Variants in GREB1 observed in about 807,000 individuals in gnomAD.
The protein encoded by GREB1 is protein GREB1.
GREB1 carries 106 observed loss-of-function variants against 200.7 expected under a neutral mutation model. The observed-to-expected ratio is 0.53, with a 90% CI of 0.45 to 0.62. The LOEUF is 0.62. GREB1 is among the 20% of genes least tolerant of loss of function. The pLI, the probability that GREB1 is intolerant of heterozygous loss-of-function variation, is 0.00. For synonymous variants in GREB1, 1,132 were observed against 1,092.4 expected, an observed-to-expected ratio of 1.04 and a Z score of -0.72; for missense variants, 2,243 against 2,556.8, an observed-to-expected ratio of 0.88 and a Z score of 2.65.
intron 1 of GREB1, among the ~76,000 whole-genome samples, chr2:11,553,053 A>T (rs1226349516): frequency 6.6e-6 from 1 of 151,206 alleles, no homozygotes; most frequent in African/African-American, 2.4e-5. Flanking sequence ...TACTGTTGCA[A>T]TGCCTCCTCA....
chr2:11,632,759 C>T, intron 27 of GREB1, 130 bp from the exon 28 acceptor site: 2 of 684,164 alleles, frequency 2.9e-6, no homozygotes, highest in South Asian at 3.6e-5. Flanking sequence ...TGTTTTGTGA[C>T]AGGTGATTCA....
intron 3 of GREB1, 105 bp downstream of exon 3, chr2:11,562,687 T>C: frequency 7.6e-7 from 1 of 1,313,472 alleles, no homozygotes; most frequent in Non-Finnish European, 1.0e-6. Context: ...GGGGTCCTCT[T>C]TGCTCTTCCT....
chr2:11,604,906 G>A (rs1399352683), intron 17 of GREB1, among the ~76,000 whole-genome samples: 1 of 152,160 alleles, frequency 6.6e-6, no homozygotes, highest in Non-Finnish European at 1.5e-5. Context: ...CATACGGCTG[G>A]GAAAACTGCT....
At chr2:11,510,331 A>G (rs1043947702) in intron 1 of GREB1, among the ~76,000 whole-genome samples, 2 of 152,234 alleles carry the variant, frequency 1.3e-5, no homozygotes, top group South Asian at 2.1e-4. Context: ...AGTAGTTTCA[A>G]TAACTATCAG....
At chr2:11,511,264 G>A (rs1430335294) in intron 1 of GREB1, among the ~76,000 whole-genome samples, 2 of 152,074 alleles carry the variant, frequency 1.3e-5, no homozygotes, top group African/African-American at 2.4e-5. Context: ...ATAGTTTTTC[G>A]GGTGCTACAC....
At chr2:11,595,938 G>A (rs765258008) in intron 12 of GREB1, among the ~76,000 whole-genome samples, 173 bp from the exon 13 acceptor site, 2 of 152,068 alleles carry the variant, frequency 1.3e-5, no homozygotes, top group Non-Finnish European at 2.9e-5. Context: ...GCTCACTCTG[G>A]CAGTGTGTCT....
At chr2:11,547,002 A>G (rs886573185) in intron 1 of GREB1, among the ~76,000 whole-genome samples, 6 of 148,462 alleles carry the variant, frequency 4.0e-5, no homozygotes, top group Non-Finnish European at 8.9e-5. Flanking sequence ...CTGGATTGCA[A>G]TGGCGCAATC....
At chr2:11,501,609 G>A (rs1474825534) in intron 1 of GREB1, among the ~76,000 whole-genome samples, 4 of 152,028 alleles carry the variant, frequency 2.6e-5, no homozygotes, top group Non-Finnish European at 4.4e-5. Flanking sequence ...GGCCAGGCTG[G>A]TCTCGAACTC....
chr2:11,568,799 T>C lies in GREB1; in HGVS notation c.454+2143T>C, dbSNP rs565982074. Reference sequence around the variant, plus strand: ...GAGGAGAGGAAGTGTAGGAGCTTTGTTAATTGCTTGCCAGAGCCATCTGAA... The same window carrying C: ...GAGGAGAGGAAGTGTAGGAGCTTTGCTAATTGCTTGCCAGAGCCATCTGAA... On this transcript the variant is annotated intron_variant, in intron 4 of 32. Coordinates refer to ENST00000381486, the MANE Select transcript of GREB1 (RefSeq NM_014668.4). Among the ~76,000 whole-genome samples, 7 of 152,350 alleles carry C rather than the reference T, an allele frequency of 4.6e-5. No homozygotes were observed. The South Asian group carries it at 1.5e-3, about 32-fold the overall frequency.
chr2:11,591,320 G>T lies in GREB1; in HGVS notation c.1346-1456G>T, dbSNP rs576030624. 3.7e-4 allele frequency: 265 copies of T among 721,288 alleles called. 3 individuals are homozygous for T. In the South Asian group the frequency reaches 3.8e-3, roughly 10 times the overall value. The allele number at this position is 721,288 out of a possible 1,614,324, so 44.7% of individuals were successfully genotyped here. A position where few individuals can be genotyped will look rare whatever the true frequency, so the allele number is the denominator to read the frequency against. On this transcript the variant is annotated intron_variant, in intron 10 of 32. Coordinates refer to ENST00000381486, the MANE Select transcript of GREB1 (RefSeq NM_014668.4). ...CAGGAAACCATGGGAGATAGCTCAG[G>T]GCCGCACAGCTGGTGCTGGGTAGAG...
At chr2:11,549,579 C>G (rs1055810405) in intron 1 of GREB1, among the ~76,000 whole-genome samples, 18 of 152,170 alleles carry the variant, frequency 1.2e-4, no homozygotes, top group African/African-American at 4.3e-4. Context: ...ATAACAAAAT[C>G]ATTTCAATTT....
At chr2:11,503,547 G>A (rs539685216) in intron 1 of GREB1, among the ~76,000 whole-genome samples, 19 of 152,260 alleles carry the variant, frequency 1.2e-4, no homozygotes, top group African/African-American at 2.4e-4. Context: ...GCTAGGTTAC[G>A]TGGTATGTGC....
chr2:11,506,819 C>T (rs1418526276), intron 1 of GREB1, among the ~76,000 whole-genome samples: 1 of 152,074 alleles, frequency 6.6e-6, no homozygotes, highest in Non-Finnish European at 1.5e-5. Context: ...ACTTCCAGTC[C>T]CTGATACTGC....
chr2:11,484,088 C>G (rs1012424137), intron 1 of GREB1, among the ~76,000 whole-genome samples: 6 of 152,022 alleles, frequency 3.9e-5, no homozygotes, highest in African/African-American at 1.5e-4. Context: ...GTGGTCATGC[C>G]GCCTGGTTTG....
At chr2:11,635,554 A>C in intron 30 of GREB1, 149 bp downstream of exon 30, 1 of 794,262 alleles carries the variant, frequency 1.3e-6, no homozygotes, top group South Asian at 1.9e-5. Flanking sequence ...AAAGGTTTTT[A>C]ATCGGCATTG....
chr2:11,539,507 C>A (rs1471844519), intron 1 of GREB1, among the ~76,000 whole-genome samples: 1 of 152,224 alleles, frequency 6.6e-6, no homozygotes, highest in African/African-American at 2.4e-5. Context: ...GGAGGCAAGC[C>A]AGGCTGCCAG....
At chr2:11,632,228 T>A (rs967646385) in intron 27 of GREB1, 115 bp downstream of exon 27, 2 of 712,448 alleles carry the variant, frequency 2.8e-6, no homozygotes, top group Admixed American at 5.2e-5. Flanking sequence ...TTTTGGACTT[T>A]TAAAGCTATT....
chr2:11,619,015 T>G, intron 22 of GREB1, 96 bp downstream of exon 22: 2 of 1,147,754 alleles, frequency 1.7e-6, no homozygotes, highest in Non-Finnish European at 2.4e-6. Context: ...CACCCACGTC[T>G]TCACTTTTCA....
intron 11 of GREB1, 30 bp from the exon 12 acceptor site, chr2:11,595,221 T>C: frequency 6.3e-7 from 1 of 1,596,344 alleles, no homozygotes; most frequent in Non-Finnish European, 8.6e-7. Context: ...GAAGATACAA[T>C]GGGTACTGTG....
Sources: allele counts gnomAD v4.1 joint callset (sites outside exome capture counted in the v4.1 genomes callset), GRCh38; gene constraint gnomAD v4.1.1; transcripts MANE v1.5; gene names NCBI Gene and HGNC (gene_info 2026-07-23, HGNC 2026-07-21).